The following PKNOX2 variants were observed in gnomAD, a reference collection of about 807,000 sequenced individuals.
PKNOX2 encodes the protein homeobox protein PKNOX2.
In PKNOX2, 14 loss-of-function variants were observed where a neutral mutation model predicts 53.1. The ratio of observed to expected loss-of-function variants is 0.26; its 90% CI spans 0.17 to 0.41. PKNOX2 has a LOEUF of 0.41. Among genes scored for constraint, PKNOX2 ranks in the 10% least tolerant of loss-of-function variants. The probability of loss-of-function intolerance (pLI) is 1.00; values close to 1 mark genes in which losing one functional copy is unlikely to be tolerated. For synonymous variants in PKNOX2, 257 were observed against 242.8 expected, an observed-to-expected ratio of 1.06 and a Z score of -0.54; for missense variants, 496 against 602.8, an observed-to-expected ratio of 0.82 and a Z score of 1.85.
Position 125,414,256 on chromosome 11 carries a change from G to C in PKNOX2, c.936+2391G>C, listed in dbSNP as rs186235309. On this transcript the variant is annotated intron_variant, in intron 10 of 12. Transcript: ENST00000298282. Reference sequence around the variant, plus strand: ...GGCTGGCATCTACAGAAAGCACCAGGGATAGGGTAGAGGACTTGCCGAAAC... The same window carrying C: ...GGCTGGCATCTACAGAAAGCACCAGCGATAGGGTAGAGGACTTGCCGAAAC... Among the ~76,000 whole-genome samples the C allele has an allele frequency of 8.5e-5, 13 of 152,288 alleles. No individual in the cohort carries two copies. In the East Asian group the frequency reaches 2.5e-3, roughly 29 times the overall value.
chr11:125,174,308 C>T (rs1350625119), intron 1 of PKNOX2, among the ~76,000 whole-genome samples: 1 of 152,188 alleles, frequency 6.6e-6, no homozygotes, highest in Non-Finnish European at 1.5e-5. Context: ...TGCCCATTAG[C>T]ATGCTGTGGG....
chr11:125,197,933 C>G (rs572513185), intron 1 of PKNOX2, among the ~76,000 whole-genome samples: 1 of 152,328 alleles, frequency 6.6e-6, no homozygotes, highest in Non-Finnish European at 1.5e-5. Flanking sequence ...CCTAGGGAAG[C>G]TAATGGTCAC....
intron 1 of PKNOX2, among the ~76,000 whole-genome samples, chr11:125,228,192 G>A (rs1270406674): frequency 2.0e-5 from 3 of 152,224 alleles, no homozygotes; most frequent in African/African-American, 4.8e-5. Flanking sequence ...CATCTGAGCC[G>A]TCCAGTATGA....
At chr11:125,292,594 G>C (rs755174948) in intron 2 of PKNOX2, among the ~76,000 whole-genome samples, 4 of 152,162 alleles carry the variant, frequency 2.6e-5, no homozygotes, top group Non-Finnish European at 5.9e-5. Context: ...TTGCTACAAG[G>C]CTGGGTTCCT....
intron 1 of PKNOX2, among the ~76,000 whole-genome samples, chr11:125,231,208 T>C (rs1168152544): frequency 6.6e-6 from 1 of 152,218 alleles, no homozygotes; most frequent in Non-Finnish European, 1.5e-5. Flanking sequence ...CCTATGGCTT[T>C]GCTAAACCCC....
At position 125,351,272 on chromosome 11, in the gene PKNOX2, T is replaced by G. The variant is rs1413066286; in HGVS notation, c.-22-12T>G. 4.0e-6 allele frequency: 5 copies of G among 1,251,316 alleles called. No homozygotes were observed. The highest frequency in any genetic ancestry group is 5.8e-6 in the Non-Finnish European group (5 of 858,000). The allele number at this position is 1,251,316 out of a possible 1,614,324, so 77.5% of individuals were successfully genotyped here. A position where few individuals can be genotyped will look rare whatever the true frequency, so the allele number is the denominator to read the frequency against. On this transcript the variant is annotated splice_polypyrimidine_tract_variant and intron_variant, in intron 3 of 12. Transcript: ENST00000298282. ...GGTGTTAACGGTGCGGCCCCCTTTC[T>G]CCTGCCCACAGGTCCTCCATGTGAA...
At chr11:125,312,546 T>G (rs1255174957) in intron 2 of PKNOX2, among the ~76,000 whole-genome samples, 2 of 152,082 alleles carry the variant, frequency 1.3e-5, no homozygotes, top group African/African-American at 4.8e-5. Flanking sequence ...GTGTGTGGTG[T>G]GTTGAGGCAG....
At chr11:125,234,090 T>TC (rs148103143) in intron 1 of PKNOX2, among the ~76,000 whole-genome samples, 4,508 of 152,250 alleles carry the variant, frequency 0.03, 209 homozygotes, top group African/African-American at 0.1. Context: ...GAATGCCTTC[T>TC]CCTCCCTCCC....
intron 2 of PKNOX2, among the ~76,000 whole-genome samples, chr11:125,313,616 A>G (rs569283072): frequency 2.8e-4 from 43 of 152,202 alleles, no homozygotes; most frequent in Admixed American, 5.9e-4. Context: ...CCCAGGAGGC[A>G]GACAACCCTG....
At chr11:125,202,671 G>C (rs559064329) in intron 1 of PKNOX2, among the ~76,000 whole-genome samples, 2 of 152,138 alleles carry the variant, frequency 1.3e-5, no homozygotes, top group African/African-American at 4.8e-5. Flanking sequence ...TGGAGTGCAG[G>C]GGGAGGAGCC....
chr11:125,350,832 T>C (rs1236729690), intron 3 of PKNOX2, among the ~76,000 whole-genome samples: 1 of 152,084 alleles, frequency 6.6e-6, no homozygotes, highest in Admixed American at 6.5e-5. Context: ...CCTGCCCCTG[T>C]GCGCGCTGTG....
At chr11:125,306,705 G>A (rs1370738982) in intron 2 of PKNOX2, among the ~76,000 whole-genome samples, 1 of 152,214 alleles carries the variant, frequency 6.6e-6, no homozygotes, top group Non-Finnish European at 1.5e-5. Context: ...GGGTGGAGGA[G>A]AGGTGAACAG....
intron 1 of PKNOX2, among the ~76,000 whole-genome samples, chr11:125,181,843 A>C (rs1956171961): frequency 6.6e-6 from 1 of 152,332 alleles, no homozygotes; most frequent in East Asian, 1.9e-4. Flanking sequence ...TGCAATCAGC[A>C]TTTCATGGCT....
intron 1 of PKNOX2, among the ~76,000 whole-genome samples, chr11:125,188,425 G>T (rs1406963015): frequency 6.6e-6 from 1 of 152,198 alleles, no homozygotes; most frequent in African/African-American, 2.4e-5. Context: ...ACTGACAAGA[G>T]CTTGCTGCAA....
At chr11:125,252,845 C>T (rs1324760282) in intron 2 of PKNOX2, among the ~76,000 whole-genome samples, 3 of 152,168 alleles carry the variant, frequency 2.0e-5, no homozygotes, top group African/African-American at 7.2e-5. Flanking sequence ...CTCACTCCTT[C>T]AGGGGGTCAT....
chr11:125,285,704 T>C (rs1946854457), intron 2 of PKNOX2, among the ~76,000 whole-genome samples: 1 of 152,236 alleles, frequency 6.6e-6, no homozygotes, highest in Non-Finnish European at 1.5e-5. Context: ...CAAGAGCTGA[T>C]TGTTAAATTT....
At chr11:125,364,566 C>T (rs897948613) in intron 4 of PKNOX2, among the ~76,000 whole-genome samples, 7 of 152,154 alleles carry the variant, frequency 4.6e-5, no homozygotes, top group African/African-American at 9.7e-5. Flanking sequence ...TTCAAGGACA[C>T]GAGGAAACTC....
chr11:125,345,033 C>T (rs990745243), intron 3 of PKNOX2, among the ~76,000 whole-genome samples: 9 of 152,144 alleles, frequency 5.9e-5, no homozygotes, highest in African/African-American at 2.2e-4. Flanking sequence ...GGAGGATCTC[C>T]ATTTCCCCCC....
At chr11:125,359,185 G>T (rs773109460) in intron 4 of PKNOX2, among the ~76,000 whole-genome samples, 3 of 150,398 alleles carry the variant, frequency 2.0e-5, no homozygotes, top group Non-Finnish European at 4.4e-5. Flanking sequence ...AAGGGTAGGT[G>T]TGAGGCGATA....
Sources: gnomAD v4.1 joint callset for allele counts (sites outside exome capture counted in the v4.1 genomes callset) on GRCh38, gnomAD v4.1.1 for gene constraint, MANE v1.5 for transcripts, NCBI Gene and HGNC (gene_info 2026-07-23, HGNC 2026-07-21) for gene names.